The following CSMD1 variants were observed in gnomAD, a reference collection of about 807,000 sequenced individuals.
CSMD1 encodes the protein CUB and sushi domain-containing protein 1.
A neutral mutation model predicts 417.5 loss-of-function variants in CSMD1; 213 were observed. The observed-to-expected ratio is 0.51, with a 90% CI of 0.46 to 0.57. The LOEUF is 0.57. Ranked by LOEUF, CSMD1 falls within the 20% of genes least tolerant of loss-of-function variation. CSMD1 has a pLI of 0.00. For missense variants in CSMD1, 6,923 were observed against 4,529.7 expected, an observed-to-expected ratio of 1.53 and a Z score of -15.17; for synonymous variants, 2,862 against 1,736.8, an observed-to-expected ratio of 1.65 and a Z score of -16.11.
In CSMD1 at chr8:4,279,088, T is replaced by A. The variant is rs77809530; in HGVS notation, c.415+140865A>T. On this transcript the variant is annotated intron_variant, in intron 3 of 69. Coordinates refer to ENST00000635120, the MANE Select transcript of CSMD1 (RefSeq NM_033225.6). The stretch of plus-strand genomic sequence containing the variant: ...TTTTATGTTTGAACATTTTCCTAAT[T>A]TTTTTTTAAAAAACACCAACCGTAT... 9.4e-3 allele frequency among the ~76,000 whole-genome samples: 1,432 copies of A among 152,186 alleles called. 8 individuals carry two copies. Among genetic ancestry groups the A allele is most frequent in the Non-Finnish European group, 0.015 (1,046 of 68,004 alleles).
At chr8:4,397,718 T>A (rs762119657) in intron 3 of CSMD1, among the ~76,000 whole-genome samples, 27 of 151,998 alleles carry the variant, frequency 1.8e-4, no homozygotes, top group Non-Finnish European at 2.9e-4. Flanking sequence ...TTAACTAGAT[T>A]TGAATCTCAA....
At position 4,531,670 on chromosome 8, in the gene CSMD1, T is replaced by C. The variant is rs754244015; in HGVS notation, c.302+105672A>G. Among the ~76,000 whole-genome samples, 5 of 152,152 alleles carry C rather than the reference T, an allele frequency of 3.3e-5. No individual in the cohort carries two copies. The East Asian group carries it at 7.7e-4, about 23-fold the overall frequency. Reference sequence around the variant, plus strand: ...CGCTAGCTCTGTGTGCTTATCTAGTTTGTCAGAATCAGCACTTCTTTTAAA... The same window carrying C: ...CGCTAGCTCTGTGTGCTTATCTAGTCTGTCAGAATCAGCACTTCTTTTAAA... On this transcript the variant is annotated intron_variant, in intron 2 of 69. Coordinates refer to ENST00000635120, the MANE Select transcript of CSMD1 (RefSeq NM_033225.6).
At chr8:3,226,085 A>T (rs1214934969) in intron 27 of CSMD1, among the ~76,000 whole-genome samples, 1 of 152,200 alleles carries the variant, frequency 6.6e-6, no homozygotes, top group African/African-American at 2.4e-5. Flanking sequence ...GCATTAAAAC[A>T]TTTGAATGTT....
intron 2 of CSMD1, among the ~76,000 whole-genome samples, chr8:4,442,545 C>G (rs1189698093): frequency 1.3e-5 from 2 of 152,104 alleles, no homozygotes; most frequent in African/African-American, 4.8e-5. Flanking sequence ...CCTCTCAAAC[C>G]ATATGCAACT....
chr8:4,305,223 G>C (rs533505167), intron 3 of CSMD1, among the ~76,000 whole-genome samples: 3 of 152,222 alleles, frequency 2.0e-5, no homozygotes, highest in Non-Finnish European at 2.9e-5. Context: ...GAAGGATGAA[G>C]TGCCAGCAAA....
intron 1 of CSMD1, among the ~76,000 whole-genome samples, chr8:4,752,249 G>A (rs529023956): frequency 1.3e-5 from 2 of 152,068 alleles, no homozygotes; most frequent in South Asian, 2.1e-4. Flanking sequence ...GTGTATAACT[G>A]TGTACTTGTC....
chr8:3,383,664 T>C (rs1322902749), intron 18 of CSMD1, among the ~76,000 whole-genome samples: 2 of 152,006 alleles, frequency 1.3e-5, no homozygotes, highest in African/African-American at 4.8e-5. Context: ...ACTTACAATG[T>C]GTAGATCGAA....
At chr8:4,642,159 G>T (rs1248830496) in intron 1 of CSMD1, among the ~76,000 whole-genome samples, 1 of 152,186 alleles carries the variant, frequency 6.6e-6, no homozygotes. Flanking sequence ...TCGGCAAGGA[G>T]CCTATAGGAC....
intron 10 of CSMD1, among the ~76,000 whole-genome samples, chr8:3,549,996 C>A (rs1295483514): frequency 1.3e-5 from 2 of 152,122 alleles, no homozygotes; most frequent in Non-Finnish European, 2.9e-5. Flanking sequence ...ATATGTGTTG[C>A]TTATGTTTTA....
At chr8:4,213,053 A>G (rs1800417151) in intron 3 of CSMD1, among the ~76,000 whole-genome samples, 1 of 152,136 alleles carries the variant, frequency 6.6e-6, no homozygotes, top group African/African-American at 2.4e-5. Context: ...GACCCACTCT[A>G]AGGTCACTTT....
intron 10 of CSMD1, among the ~76,000 whole-genome samples, chr8:3,510,674 C>A (rs1008926913): frequency 5.4e-5 from 1 of 18,424 alleles, no homozygotes; most frequent in African/African-American, 6.8e-4. Context: ...GATATAGAGG[C>A]AGGATTACTT....
At chr8:4,333,826 C>G (rs1336983486) in intron 3 of CSMD1, among the ~76,000 whole-genome samples, 3 of 152,040 alleles carry the variant, frequency 2.0e-5, no homozygotes, top group Admixed American at 2.0e-4. Context: ...ATTCTCTATG[C>G]TTCTCATTAG....
intron 7 of CSMD1, among the ~76,000 whole-genome samples, chr8:3,656,305 G>A (rs143727067): frequency 1.1e-4 from 17 of 152,294 alleles, no homozygotes; most frequent in African/African-American, 4.1e-4. Flanking sequence ...TCTCTCAGAA[G>A]CTTAGGGCGA....
intron 47 of CSMD1, among the ~76,000 whole-genome samples, chr8:3,094,925 G>C (rs1476318955): frequency 6.6e-6 from 1 of 151,556 alleles, no homozygotes; most frequent in African/African-American, 2.4e-5. Flanking sequence ...TCACTTTGTA[G>C]AAAAAACTTT....
At chr8:3,942,048 T>C (rs372528907) in intron 5 of CSMD1, among the ~76,000 whole-genome samples, 2 of 151,982 alleles carry the variant, frequency 1.3e-5, no homozygotes, top group African/African-American at 4.8e-5. Flanking sequence ...GCAAACCCTA[T>C]TGTGAATTGG....
intron 3 of CSMD1, among the ~76,000 whole-genome samples, chr8:4,085,205 C>G (rs961087740): frequency 6.6e-6 from 1 of 152,000 alleles, no homozygotes; most frequent in Middle Eastern, 3.2e-3. Context: ...CAACTTCAGC[C>G]CAGCTAGACA....
intron 6 of CSMD1, among the ~76,000 whole-genome samples, chr8:3,746,444 A>T (rs1797068841): frequency 6.6e-6 from 1 of 152,222 alleles, no homozygotes; most frequent in Non-Finnish European, 1.5e-5. Flanking sequence ...GGAAGGATTT[A>T]AAGTGGTTTT....
At chr8:4,346,767 T>C (rs1381726236) in intron 3 of CSMD1, among the ~76,000 whole-genome samples, 1 of 152,160 alleles carries the variant, frequency 6.6e-6, no homozygotes, top group Non-Finnish European at 1.5e-5. Flanking sequence ...TTATCAAAAT[T>C]CAAAGGAGAC....
chr8:4,364,216 A>G (rs1030313459), intron 3 of CSMD1, among the ~76,000 whole-genome samples: 9 of 152,326 alleles, frequency 5.9e-5, no homozygotes, highest in East Asian at 3.9e-4. Flanking sequence ...TATTGTAAAA[A>G]TAAGTAGTTA....
Sources: gnomAD v4.1 joint callset for allele counts (sites outside exome capture counted in the v4.1 genomes callset) on GRCh38, gnomAD v4.1.1 for gene constraint, MANE v1.5 for transcripts, NCBI Gene and HGNC (gene_info 2026-07-23, HGNC 2026-07-21) for gene names.